SIGLEC12: variants seen among roughly 807,000 people sequenced by gnomAD.
SIGLEC12 encodes the protein sialic acid binding Ig like lectin 12.
Under a neutral mutation model 54.1 loss-of-function variants are expected in SIGLEC12, and 43 were observed. That is an observed-to-expected ratio of 0.80 (90% CI 0.62 to 1.03). The LOEUF (loss-of-function observed/expected upper bound fraction) is 1.03, where lower values mean the gene tolerates loss of function less well. SIGLEC12 is among the 50% of genes least tolerant of loss of function. The probability of loss-of-function intolerance (pLI) is 0.00; values close to 1 mark genes in which losing one functional copy is unlikely to be tolerated. For synonymous variants in SIGLEC12, 357 were observed against 307.6 expected, an observed-to-expected ratio of 1.16 and a Z score of -1.68; for missense variants, 802 against 735.2, an observed-to-expected ratio of 1.09 and a Z score of -1.05.
rs145813487 is a variant in SIGLEC12 at position 51,496,143 on chromosome 19, C to G, written c.1599+737G>C. On this transcript the variant is annotated intron_variant, in intron 7 of 7. Coordinates refer to ENST00000291707, the MANE Select transcript of SIGLEC12 (RefSeq NM_053003.4). ...GCAATGAAGATGAATACAATTTTAA[C>G]ACAATATTTAAAAAATCAAAATTAA... Among the ~76,000 whole-genome samples the G allele has an allele frequency of 6.6e-5, 10 of 152,252 alleles. No homozygotes were observed. In the East Asian group the frequency reaches 7.7e-4, roughly 12 times the overall value.
At position 51,501,565 on chromosome 19, in the gene SIGLEC12, C is replaced by G. The variant is rs144207303; in HGVS notation, c.169G>C (p.Asp57His). The stretch of plus-strand genomic sequence containing the variant: ...CGGAACCAGTAGCCATGAACTGGAT[C>G]GGAGGCAGTCCAGCCATTTTGGGGG... ...SYPQNGWTAS[D>H]PVHGYWFRAG... The change falls in exon 1 of 8, where the codon GAT (aspartate) becomes CAT (histidine). Residue 57 changes from aspartate to histidine, a missense_variant. Asp to His is a moderately conservative substitution (Grantham distance 81). Transcript: ENST00000291707. 2 of 1,613,818 alleles carry G rather than the reference C, an allele frequency of 1.2e-6. No homozygotes were observed. Among genetic ancestry groups the G allele is most frequent in the Non-Finnish European group, 8.5e-7 (1 of 1,179,874 alleles).
chr19:51,492,982 C>T (rs896776208), intron 7 of SIGLEC12, among the ~76,000 whole-genome samples: 1 of 152,122 alleles, frequency 6.6e-6, no homozygotes, highest in Non-Finnish European at 1.5e-5. Context: ...GCCTGGGAGG[C>T]TTCTCCTTCA....
At chr19:51,500,466 A>G (rs1990367031) in intron 1 of SIGLEC12, 166 bp from the exon 2 acceptor site, 1 of 1,247,930 alleles carries the variant, frequency 8.0e-7, no homozygotes, top group East Asian at 2.5e-5. Context: ...GGGGCTGGAG[A>G]GGAGCTGGAG....
chr19:51,500,143 G>C lies in SIGLEC12; in HGVS notation c.585C>G (p.Ala195=). The C allele has an allele frequency of 6.2e-7, 1 of 1,614,018 alleles. No homozygotes were observed. The highest frequency in any genetic ancestry group is 8.5e-7 in the Non-Finnish European group (1 of 1,179,988). Residue 195 remains alanine (A), a synonymous_variant, in exon 2 of 8, where the codon GCC becomes GCG. Coordinates refer to ENST00000291707, the MANE Select transcript of SIGLEC12 (RefSeq NM_053003.4). ...PVYGSWFKEG[A]DIPWDIPVAT... is the part of the protein sequence containing the mutation. ...CCACTGGAATATCCCATGGTATATC[G>C]GCCCCTTCCTTGAACCAGGATCCAT...
Position 51,500,162 on chromosome 19 carries a change from G to T in SIGLEC12, c.566C>A (p.Ser189Tyr), listed in dbSNP as rs983664421. Reference sequence around the variant, plus strand: ...TATATCGGCCCCTTCCTTGAACCAGGATCCATAAACAGGGCTAGAGGCAGT... The same window carrying T: ...TATATCGGCCCCTTCCTTGAACCAGTATCCATAAACAGGGCTAGAGGCAGT... ...NWTASSPVYG[S>Y]WFKEGADIPW... Residue 189 changes from serine to tyrosine, a missense_variant, in exon 2 of 8, where the codon TCC (serine) becomes TAC (tyrosine). By Grantham distance (144) the Ser-to-Tyr change is moderately radical (BLOSUM62 -2). Transcript: ENST00000291707. 1.2e-6 allele frequency: 2 copies of T among 1,614,016 alleles called. No homozygotes were observed. Among genetic ancestry groups the T allele is most frequent in the Middle Eastern group, 1.6e-4 (1 of 6,084 alleles).
Position 51,501,538 on chromosome 19 carries a change from C to CG in SIGLEC12, c.195_196insC (p.Ala66ArgfsTer50), listed in dbSNP as rs1990397295. On this transcript the variant is annotated frameshift_variant, in exon 1 of 8. Coordinates refer to ENST00000291707, the MANE Select transcript of SIGLEC12 (RefSeq NM_053003.4). LOFTEE classifies it high-confidence loss of function. ...ATGTTCCGGCTTACATGGTCCCCTG[C>CG]CCGGAACCAGTAGCCATGAACTGGA... The CG allele has an allele frequency of 2.0e-6, 3 of 1,482,298 alleles. No individual in the cohort carries two copies. Among genetic ancestry groups the CG allele is most frequent in the Non-Finnish European group, 2.7e-6 (3 of 1,119,412 alleles). The allele number at this position is 1,482,298 out of a possible 1,614,324, so 91.8% of individuals were successfully genotyped here. A position where few individuals can be genotyped will look rare whatever the true frequency, so the allele number is the denominator to read the frequency against.
In SIGLEC12 at chr19:51,495,313, GTGGATGGATGGA is replaced by G. The variant is rs61412717; in HGVS notation, c.1599+1555_1599+1566del. On this transcript the variant is annotated intron_variant, in intron 7 of 7. Transcript: ENST00000291707. Reference sequence around the variant, plus strand: ...GATGGATGGACGGACGGACGGGTGGGTGGATGGATGGATGGATGGATGGATGGATGGATGGAT... The same window carrying G: ...GATGGATGGACGGACGGACGGGTGGGTGGATGGATGGATGGATGGATGGAT... Among the ~76,000 whole-genome samples the G allele has an allele frequency of 4.7e-3, 282 of 60,480 alleles. 16 individuals are homozygous for G. The highest frequency in any genetic ancestry group is 5.6e-3 in the Non-Finnish European group (160 of 28,352). 39.7% of individuals were successfully genotyped at this position (60,480 alleles called of 152,430 possible).
At chr19:51,500,648 T>C (rs1049002154) in intron 1 of SIGLEC12, among the ~76,000 whole-genome samples, 10 of 152,132 alleles carry the variant, frequency 6.6e-5, no homozygotes, top group African/African-American at 2.4e-4. Flanking sequence ...CACCAGGGCC[T>C]GCACCAGACA....
chr19:51,494,984 G>A (rs1324702008), intron 7 of SIGLEC12, among the ~76,000 whole-genome samples: 4 of 152,180 alleles, frequency 2.6e-5, no homozygotes, highest in Non-Finnish European at 5.9e-5. Context: ...GGATGGGAGG[G>A]AAAGGGCGGA....
chr19:51,492,023 T>C (rs1990117927), intron 7 of SIGLEC12, among the ~76,000 whole-genome samples, 194 bp from the exon 8 acceptor site: 1 of 152,236 alleles, frequency 6.6e-6, no homozygotes, highest in Non-Finnish European at 1.5e-5. Context: ...TCTCATTAAC[T>C]TCCAACAACA....
At chr19:51,495,365 GTGGATGGATGGA>G (rs1320189994) in intron 7 of SIGLEC12, among the ~76,000 whole-genome samples, 1 of 60,160 alleles carries the variant, frequency 1.7e-5, no homozygotes, top group African/African-American at 6.0e-5. Context: ...AGACGGGTGG[GTGGATGGATGGA>G]TGGATGGATG....
At position 51,498,195 on chromosome 19, in the gene SIGLEC12, T is replaced by C. The variant is rs1990294185; in HGVS notation, c.1228A>G (p.Arg410Gly). The C allele has an allele frequency of 6.2e-7, 1 of 1,614,162 alleles. No homozygotes were observed. The highest frequency in any genetic ancestry group is 1.3e-5 in the African/African-American group (1 of 75,048). ...VCAVDSNPPARLSWTWGSLTL... is the reference protein window; with the variant it reads ...VCAVDSNPPAGLSWTWGSLTL... Reference sequence around the variant, plus strand: ...AGGCTCCCCCAGGTCCAGCTCAGCCTGGCAGGGGGATTGCTGTCGACAGCA... The same window carrying C: ...AGGCTCCCCCAGGTCCAGCTCAGCCCGGCAGGGGGATTGCTGTCGACAGCA... Residue 410 changes from arginine to glycine, a missense_variant, in exon 5 of 8, where the codon AGG becomes GGG. Physicochemically the swap from Arg to Gly is moderately radical, Grantham distance 125. Transcript: ENST00000291707.
intron 6 of SIGLEC12, 60 bp from the exon 7 acceptor site, chr19:51,497,036 C>A: frequency 1.2e-6 from 2 of 1,610,706 alleles, no homozygotes. Context: ...GTGGGCAGAC[C>A]AACCCCTGCC....
At position 51,501,610 on chromosome 19, in the gene SIGLEC12, C is replaced by G; in HGVS notation, c.124G>C (p.Val42Leu). ...TGGGGGTAGGAGAAGGAGCAAAGCA[C>G]AGAGACACACAGGCCCTCCTGCACC... ...VTVQEGLCVS[V>L]LCSFSYPQNG... is the part of the protein sequence containing the mutation. Residue 42 changes from valine (V) to leucine (L), a missense_variant, in exon 1 of 8, where the codon GTG becomes CTG. Val to Leu is a conservative substitution (Grantham distance 32). Transcript: ENST00000291707. 1 of 1,614,122 alleles carries G rather than the reference C, an allele frequency of 6.2e-7. No homozygotes were observed. The highest frequency in any genetic ancestry group is 1.1e-5 in the South Asian group (1 of 91,080).
chr19:51,499,846 G>T, intron 2 of SIGLEC12, 74 bp downstream of exon 2: 1 of 1,547,570 alleles, frequency 6.5e-7, no homozygotes, highest in South Asian at 1.2e-5. Context: ...CTCCCAGGAT[G>T]GGGGTCCCAC....
chr19:51,501,446 A>C lies in SIGLEC12; in HGVS notation c.288T>G (p.Leu96=). Residue 96 remains leucine, a synonymous_variant, in exon 1 of 8, where the codon CTT becomes CTG. Transcript: ENST00000291707. The stretch of plus-strand genomic sequence containing the variant: ...TACAATCCTTGTTCTGTGGGTCCCC[A>C]AGGAGGTGGAATCGGTCCCGAGTCT... The part of the protein sequence containing the change: ...QEETRDRFHL[L]GDPQNKDCTL... The C allele has an allele frequency of 1.2e-6, 2 of 1,614,178 alleles. No homozygotes were observed. The highest frequency in any genetic ancestry group is 1.7e-6 in the Non-Finnish European group (2 of 1,180,030).
At chr19:51,493,260 A>C (rs1441694449) in intron 7 of SIGLEC12, among the ~76,000 whole-genome samples, 1 of 152,158 alleles carries the variant, frequency 6.6e-6, no homozygotes, top group East Asian at 1.9e-4. Flanking sequence ...TAACTACAGG[A>C]CATCGTGCTT....
At chr19:51,492,231 A>C (rs979977596) in intron 7 of SIGLEC12, among the ~76,000 whole-genome samples, 6 of 152,120 alleles carry the variant, frequency 3.9e-5, no homozygotes, top group African/African-American at 9.7e-5. Context: ...ACTGTGGTGG[A>C]CACGGTAGGC....
chr19:51,492,758 G>C lies in SIGLEC12; in HGVS notation c.1600-929C>G, dbSNP rs116161790. On this transcript the variant is annotated intron_variant, in intron 7 of 7. Transcript: ENST00000291707. ...GGTGCCTCTAGAAGCTGGAAAAGGT[G>C]AGAAAGCGCATCCTCCCCTGGATCT... is the stretch of plus-strand genomic sequence containing the variant. Among the ~76,000 whole-genome samples the C allele has an allele frequency of 6.4e-3, 976 of 152,298 alleles. 11 individuals are homozygous for C. The highest frequency in any genetic ancestry group is 0.021 in the African/African-American group (873 of 41,548).
Sources: gnomAD v4.1 joint callset for allele counts (sites outside exome capture counted in the v4.1 genomes callset) on GRCh38, gnomAD v4.1.1 for gene constraint, MANE v1.5 for transcripts, NCBI Gene and HGNC (gene_info 2026-07-23, HGNC 2026-07-21) for gene names.